NXPE2: variants seen among roughly 807,000 people sequenced by gnomAD.
NXPE2 encodes neurexophilin and PC-esterase domain family member 2.
A neutral mutation model predicts 34.4 loss-of-function variants in NXPE2; 34 were observed. The ratio of observed to expected loss-of-function variants is 0.99; its 90% CI spans 0.75 to 1.31. The LOEUF is 1.31. Ranked by LOEUF, NXPE2 falls within the 40% of genes most tolerant of loss-of-function variation. NXPE2 has a pLI of 0.00. For synonymous variants in NXPE2, 235 were observed against 231.3 expected (o/e 1.02, Z -0.15); for missense variants, 649 against 672.5 (o/e 0.97, Z 0.39).
At chr11:114,635,297 T>C in the NXPE2 span, among the ~76,000 whole-genome samples, 1 of 149,978 alleles carries the variant, frequency 6.7e-6, no homozygotes, top group East Asian at 1.9e-4. Flanking sequence ...ATGGTTGTGA[T>C]TTTTGTACAT....
At position 114,703,998 on chromosome 11, in the gene NXPE2, A is replaced by G; in HGVS notation, c.874A>G (p.Ile292Val). ...TTTTCCCATTTCTTGCAGGTCCAAC[A>G]TAGGAGTTGAAATGATGAAGAACTT... ...EEWRLFHRSNIGVEMMKNFTP... is the reference protein window; with the variant it reads ...EEWRLFHRSNVGVEMMKNFTP... Residue 292 changes from isoleucine to valine, a missense_variant, in exon 4 of 6, where the codon ATA (isoleucine) becomes GTA (valine). By Grantham distance (29) the Ile-to-Val change is conservative (BLOSUM62 3). Transcript: ENST00000389586. 6.4e-7 allele frequency: 1 copy of G among 1,551,096 alleles called. No individual in the cohort carries two copies. The highest frequency in any genetic ancestry group is 8.7e-7 in the Non-Finnish European group (1 of 1,145,982).
chr11:114,536,272 T>C, the NXPE2 span, among the ~76,000 whole-genome samples: 274 of 152,146 alleles, frequency 1.8e-3, 2 homozygotes, highest in Non-Finnish European at 2.6e-4. Flanking sequence ...CTCTGGGACA[T>C]ATTCAAAGCA....
At chr11:114,582,438 G>C in the NXPE2 span, 1 of 1,614,176 alleles carries the variant, frequency 6.2e-7, no homozygotes, top group Non-Finnish European at 8.5e-7. Flanking sequence ...GCACAATTCA[G>C]CATTTGTGTT....
the NXPE2 span, among the ~76,000 whole-genome samples, chr11:114,470,784 T>C: frequency 6.6e-6 from 1 of 152,156 alleles, no homozygotes; most frequent in Non-Finnish European, 1.5e-5. Flanking sequence ...TTGGGCAACC[T>C]CACTGTTTCC....
chr11:114,511,879 A>G, the NXPE2 span, among the ~76,000 whole-genome samples: 1 of 150,964 alleles, frequency 6.6e-6, no homozygotes, highest in African/African-American at 2.4e-5. Context: ...CCATGAGTGG[A>G]AGTTTCCTGA....
chr11:114,768,619 T>C, the NXPE2 span, among the ~76,000 whole-genome samples: 6 of 152,194 alleles, frequency 3.9e-5, no homozygotes, highest in Admixed American at 3.9e-4. Flanking sequence ...CTTGAAGAGG[T>C]TCTTCACATC....
At chr11:114,538,190 AT>A in the NXPE2 span, among the ~76,000 whole-genome samples, 1 of 152,212 alleles carries the variant, frequency 6.6e-6, no homozygotes, top group Non-Finnish European at 1.5e-5. Context: ...AGGATTCCCT[AT>A]TTAATAAATG....
the NXPE2 span, among the ~76,000 whole-genome samples, chr11:114,614,848 G>T: frequency 6.6e-6 from 1 of 151,850 alleles, no homozygotes; most frequent in Middle Eastern, 3.2e-3. Context: ...AACAAGTGTT[G>T]CCTTATGGGT....
intron 1 of NXPE2, among the ~76,000 whole-genome samples, 195 bp downstream of exon 1, chr11:114,678,796 A>G (rs1950892401): frequency 6.6e-6 from 1 of 151,988 alleles, no homozygotes; most frequent in African/African-American, 2.4e-5. Context: ...AAAAAATCAC[A>G]GTGCATTGTG....
chr11:114,689,127 C>G (rs1443335009), intron 2 of NXPE2, among the ~76,000 whole-genome samples: 2 of 151,902 alleles, frequency 1.3e-5, no homozygotes, highest in African/African-American at 2.4e-5. Flanking sequence ...TTTTCTTCTG[C>G]TAGCTTTGGG....
the NXPE2 span, among the ~76,000 whole-genome samples, chr11:114,623,698 C>G: frequency 6.6e-6 from 1 of 152,118 alleles, no homozygotes; most frequent in South Asian, 2.1e-4. Context: ...CGTGGGAAAA[C>G]AGTGTTACCC....
chr11:114,491,611 G>A, the NXPE2 span, among the ~76,000 whole-genome samples: 1 of 152,128 alleles, frequency 6.6e-6, no homozygotes, highest in Admixed American at 6.6e-5. Flanking sequence ...CGATTCCTCA[G>A]GGATCTAGAA....
the NXPE2 span, among the ~76,000 whole-genome samples, chr11:114,668,902 C>T: frequency 6.6e-6 from 1 of 151,976 alleles, no homozygotes; most frequent in Non-Finnish European, 1.5e-5. Context: ...AATCAAACAA[C>T]ACTTATTTAA....
chr11:114,808,000 A>T, the NXPE2 span, among the ~76,000 whole-genome samples: 7 of 152,366 alleles, frequency 4.6e-5, no homozygotes, highest in Non-Finnish European at 8.8e-5. Flanking sequence ...TGTCTCTCAG[A>T]CCACAGTGCA....
chr11:114,634,656 G>A, the NXPE2 span, among the ~76,000 whole-genome samples: 1 of 151,948 alleles, frequency 6.6e-6, no homozygotes, highest in Admixed American at 6.6e-5. Flanking sequence ...TGTAAGGAAG[G>A]GATCCAGTTT....
the NXPE2 span, among the ~76,000 whole-genome samples, chr11:114,491,317 GA>G: frequency 1.6e-4 from 24 of 151,820 alleles, no homozygotes; most frequent in Non-Finnish European, 3.5e-4. Context: ...AAATTTACAA[GA>G]AAAAAACAAC....
At chr11:114,489,450 A>T in the NXPE2 span, among the ~76,000 whole-genome samples, 1 of 152,220 alleles carries the variant, frequency 6.6e-6, no homozygotes, top group Admixed American at 6.5e-5. Flanking sequence ...TTGATGCAAA[A>T]ATCTTCAATA....
chr11:114,550,397 T>C, the NXPE2 span, among the ~76,000 whole-genome samples: 199 of 152,170 alleles, frequency 1.3e-3, no homozygotes, highest in African/African-American at 4.6e-3. Context: ...TGTAACAGAA[T>C]TGAAAATCAG....
the NXPE2 span, among the ~76,000 whole-genome samples, chr11:114,607,483 A>T: frequency 1.8e-4 from 27 of 148,294 alleles, no homozygotes; most frequent in South Asian, 5.2e-3. Flanking sequence ...TCATGGGTGA[A>T]CACCATTACC....
Sources: allele counts gnomAD v4.1 joint callset (sites outside exome capture counted in the v4.1 genomes callset), GRCh38; gene constraint gnomAD v4.1.1; transcripts MANE v1.5; gene names NCBI Gene and HGNC (gene_info 2026-07-23, HGNC 2026-07-21).